Variants in EDAR observed in about 807,000 individuals in gnomAD.
EDAR encodes the protein ectodysplasin A receptor, also known as tumor necrosis factor receptor superfamily member EDAR.
A neutral mutation model predicts 51.3 loss-of-function variants in EDAR; 38 were observed. The ratio of observed to expected loss-of-function variants is 0.74; its 90% CI spans 0.57 to 0.97. The LOEUF is 0.97. EDAR is among the 50% of genes least tolerant of loss of function. The probability of loss-of-function intolerance (pLI) is 0.00; values close to 1 mark genes in which losing one functional copy is unlikely to be tolerated. For missense variants in EDAR, 528 were observed against 595.0 expected (o/e 0.89, Z 1.17); for synonymous variants, 227 against 242.1 (o/e 0.94, Z 0.58).
chr2:108,988,719 C>T (rs1019493462), intron 1 of EDAR, among the ~76,000 whole-genome samples: 16 of 152,198 alleles, frequency 1.1e-4, no homozygotes, highest in African/African-American at 3.4e-4. Context: ...ATTTGTCTCC[C>T]TAACCAAATG....
At chr2:108,918,713 G>T (rs139586927) in intron 5 of EDAR, among the ~76,000 whole-genome samples, 14 of 152,334 alleles carry the variant, frequency 9.2e-5, no homozygotes, top group African/African-American at 3.4e-4. Context: ...CATGGCTGGA[G>T]GGAGCTACGC....
intron 4 of EDAR, among the ~76,000 whole-genome samples, chr2:108,928,984 A>G (rs1479327734): frequency 6.6e-6 from 1 of 152,236 alleles, no homozygotes; most frequent in Admixed American, 6.5e-5. Context: ...CTTAGGAGAC[A>G]CAGAGGCAGA....
At chr2:108,955,942 TG>T (rs1189377876) in intron 1 of EDAR, among the ~76,000 whole-genome samples, 3 of 148,812 alleles carry the variant, frequency 2.0e-5, no homozygotes, top group Non-Finnish European at 4.5e-5. Context: ...GGCAGAAGAA[TG>T]GCGGGAACCC....
chr2:108,911,090 G>T lies in EDAR; in HGVS notation c.530-18C>A. 6.2e-7 allele frequency: 1 copy of T among 1,614,006 alleles called. No homozygotes were observed. The highest frequency in any genetic ancestry group is 8.5e-7 in the Non-Finnish European group (1 of 1,180,008). On this transcript the variant is annotated intron_variant, in intron 6 of 11. Transcript: ENST00000258443. ...TGAGAGTTCTGTGGGTGGAGAGAAG[G>T]CATGAATGACCCAGAGCTCAGGATC...
intron 11 of EDAR, among the ~76,000 whole-genome samples, chr2:108,905,942 A>T (rs1239239732): frequency 6.6e-6 from 1 of 152,100 alleles, no homozygotes; most frequent in Non-Finnish European, 1.5e-5. Flanking sequence ...AGGATAAATG[A>T]CTGATCACGT....
At chr2:108,952,968 G>C (rs1697852987) in intron 1 of EDAR, among the ~76,000 whole-genome samples, 1 of 152,152 alleles carries the variant, frequency 6.6e-6, no homozygotes. Context: ...CTGAAGTATA[G>C]ACTTTCTGAG....
chr2:108,977,363 G>T (rs1330086533), intron 1 of EDAR, among the ~76,000 whole-genome samples: 1 of 152,140 alleles, frequency 6.6e-6, no homozygotes, highest in Non-Finnish European at 1.5e-5. Flanking sequence ...GCGCCTCCCG[G>T]GTTCACGCCA....
intron 1 of EDAR, among the ~76,000 whole-genome samples, chr2:108,953,534 G>C (rs1023001528): frequency 2.0e-5 from 3 of 152,112 alleles, no homozygotes; most frequent in African/African-American, 7.2e-5. Context: ...TCACGGTCCT[G>C]TGCTGTTTGT....
At chr2:108,971,970 T>C (rs1698242603) in intron 1 of EDAR, among the ~76,000 whole-genome samples, 1 of 152,128 alleles carries the variant, frequency 6.6e-6, no homozygotes, top group Admixed American at 6.5e-5. Flanking sequence ...CGTGGGGAGC[T>C]CCCGTGGCCC....
chr2:108,899,957 A>T lies in EDAR; in HGVS notation c.1025-2728T>A, dbSNP rs186484838. 2.6e-5 allele frequency among the ~76,000 whole-genome samples: 4 copies of T among 152,086 alleles called. No homozygotes were observed. In the East Asian group the frequency reaches 7.8e-4, roughly 30 times the overall value. ...GCCGAGATCGTGTCACTGCTCTCCA[A>T]CCTGGGTGGCAGAGTAAAACTCCAT... On this transcript the variant is annotated intron_variant, in intron 11 of 11. Coordinates refer to ENST00000258443, the MANE Select transcript of EDAR (RefSeq NM_022336.4).
At chr2:108,986,629 C>G (rs1434360272) in intron 1 of EDAR, among the ~76,000 whole-genome samples, 1 of 152,202 alleles carries the variant, frequency 6.6e-6, no homozygotes, top group African/African-American at 2.4e-5. Context: ...GTGAACCTCT[C>G]TGAGCCTCAA....
At chr2:108,964,815 C>T (rs919623461) in intron 1 of EDAR, among the ~76,000 whole-genome samples, 7 of 152,128 alleles carry the variant, frequency 4.6e-5, no homozygotes, top group African/African-American at 1.7e-4. Flanking sequence ...ATCAGAAGAC[C>T]TTCCAGAGAG....
chr2:108,953,275 T>C (rs1031420066), intron 1 of EDAR, among the ~76,000 whole-genome samples: 2 of 152,204 alleles, frequency 1.3e-5, no homozygotes, highest in East Asian at 1.9e-4. Flanking sequence ...AGGTGTTCTC[T>C]GTTGTCTGCT....
intron 9 of EDAR, among the ~76,000 whole-genome samples, chr2:108,909,402 T>G (rs1312328618): frequency 6.6e-6 from 1 of 151,354 alleles, no homozygotes; most frequent in Non-Finnish European, 1.5e-5. Flanking sequence ...ACACAGGATC[T>G]CCACACAGAT....
At chr2:108,960,199 C>T (rs1385764945) in intron 1 of EDAR, among the ~76,000 whole-genome samples, 2 of 152,178 alleles carry the variant, frequency 1.3e-5, no homozygotes, top group African/African-American at 2.4e-5. Flanking sequence ...ACCACCAGTT[C>T]TCCCCGGGGC....
At chr2:108,980,615 G>A (rs184131328) in intron 1 of EDAR, among the ~76,000 whole-genome samples, 18 of 152,256 alleles carry the variant, frequency 1.2e-4, no homozygotes, top group Middle Eastern at 3.4e-3. Context: ...GTCCAGGGGT[G>A]GGAGCTGCTG....
chr2:108,929,857 T>C (rs1468207848), intron 3 of EDAR, among the ~76,000 whole-genome samples: 1 of 152,202 alleles, frequency 6.6e-6, no homozygotes, highest in African/African-American at 2.4e-5. Flanking sequence ...GACGCTCATT[T>C]AATCAGGGTA....
At chr2:108,921,831 GGCCTT>G (rs1329981535) in intron 5 of EDAR, among the ~76,000 whole-genome samples, 1 of 152,218 alleles carries the variant, frequency 6.6e-6, no homozygotes, top group East Asian at 1.9e-4. Flanking sequence ...CGAGGTCTGG[GGCCTT>G]GCCCAAGGGG....
chr2:108,924,843 G>A (rs1396614640), intron 4 of EDAR, among the ~76,000 whole-genome samples: 1 of 152,208 alleles, frequency 6.6e-6, no homozygotes, highest in Non-Finnish European at 1.5e-5. Flanking sequence ...CTTTCTATGA[G>A]GCAGGCCAAG....
Sources: gnomAD v4.1 joint callset for allele counts (sites outside exome capture counted in the v4.1 genomes callset) on GRCh38, gnomAD v4.1.1 for gene constraint, MANE v1.5 for transcripts, NCBI Gene and HGNC (gene_info 2026-07-23, HGNC 2026-07-21) for gene names.